Variants in FRMD6 observed in about 807,000 individuals in gnomAD.
FRMD6 encodes the protein FERM domain containing 6, also known as FERM domain-containing protein 6.
Under a neutral mutation model 73.2 loss-of-function variants are expected in FRMD6, and 37 were observed. That is an observed-to-expected ratio of 0.51 (90% CI 0.39 to 0.66). FRMD6 has a LOEUF of 0.66. Ranked by LOEUF, FRMD6 falls within the 30% of genes least tolerant of loss-of-function variation. The pLI is 0.00. For synonymous variants in FRMD6, 273 were observed against 282.2 expected (o/e 0.97, Z 0.33); for missense variants, 714 against 780.5 (o/e 0.91, Z 1.02).
At chr14:51,719,811 C>T (rs1897432584) in intron 10 of FRMD6, among the ~76,000 whole-genome samples, 1 of 152,222 alleles carries the variant, frequency 6.6e-6, no homozygotes, top group African/African-American at 2.4e-5. Flanking sequence ...TTAAATACCA[C>T]TCTTCTTATA....
At chr14:51,541,078 C>A (rs1158426054) in intron 1 of FRMD6, among the ~76,000 whole-genome samples, 3 of 152,052 alleles carry the variant, frequency 2.0e-5, no homozygotes, top group Admixed American at 6.6e-5. Flanking sequence ...CTGCAATTTC[C>A]CTATCAGTTA....
intron 2 of FRMD6, among the ~76,000 whole-genome samples, chr14:51,617,069 G>A (rs577615616): frequency 4.7e-4 from 72 of 152,320 alleles, no homozygotes; most frequent in Non-Finnish European, 6.5e-4. Context: ...AGCATCAGGA[G>A]TGCCATGTGG....
chr14:51,486,169 G>C (rs1882757275), upstream of FRMD6, among the ~76,000 whole-genome samples: 1 of 151,994 alleles, frequency 6.6e-6, no homozygotes, highest in South Asian at 2.1e-4. Flanking sequence ...CGAGTAGCTG[G>C]GACTACAGGC....
intron 1 of FRMD6, among the ~76,000 whole-genome samples, chr14:51,531,111 C>A (rs74052351): frequency 0.027 from 4,170 of 152,192 alleles, 84 homozygotes; most frequent in African/African-American, 0.048. Flanking sequence ...AATGGTAGAG[C>A]CTTCATGACC....
At chr14:51,576,974 A>G (rs1888440486) in intron 2 of FRMD6, among the ~76,000 whole-genome samples, 1 of 152,352 alleles carries the variant, frequency 6.6e-6, no homozygotes, top group South Asian at 2.1e-4. Flanking sequence ...TTAAAGCACT[A>G]TGCAAATGTA....
the FRMD6 span, chr14:51,436,084 C>G: frequency 2.5e-4 from 52 of 205,454 alleles, no homozygotes; most frequent in Non-Finnish European, 3.9e-4. Context: ...GTGAAGAAAC[C>G]AAGACCACCT....
At chr14:51,401,660 G>A in the FRMD6 span, among the ~76,000 whole-genome samples, 1 of 152,178 alleles carries the variant, frequency 6.6e-6, no homozygotes, top group Non-Finnish European at 1.5e-5. Flanking sequence ...TTCCCCGTAG[G>A]AGTATTCAAC....
At chr14:51,700,176 T>C (rs1372513841) in intron 3 of FRMD6, among the ~76,000 whole-genome samples, 2 of 152,070 alleles carry the variant, frequency 1.3e-5, no homozygotes, top group South Asian at 4.2e-4. Flanking sequence ...TGAAGATGTC[T>C]CCTTAGTGAT....
chr14:51,671,690 A>G (rs926533930), intron 1 of FRMD6, among the ~76,000 whole-genome samples: 10 of 152,196 alleles, frequency 6.6e-5, no homozygotes, highest in African/African-American at 2.2e-4. Context: ...TGCTTTAGAA[A>G]AAGTTTATGG....
At chr14:51,470,275 T>C in the FRMD6 span, among the ~76,000 whole-genome samples, 1 of 152,204 alleles carries the variant, frequency 6.6e-6, no homozygotes, top group African/African-American at 2.4e-5. Context: ...TCCCAGCACT[T>C]CGGGAGGCCA....
At chr14:51,497,234 CTTT>C (rs540369904) in intron 1 of FRMD6, among the ~76,000 whole-genome samples, 1 of 137,872 alleles carries the variant, frequency 7.3e-6, no homozygotes. Flanking sequence ...TCTGAAATAA[CTTT>C]TTTTTTTTTT....
intron 2 of FRMD6, among the ~76,000 whole-genome samples, chr14:51,599,058 C>CTTTTCTTTTTTT (rs1158794443): frequency 8.4e-4 from 61 of 72,818 alleles, no homozygotes; most frequent in East Asian, 2.9e-3. Context: ...CAGTATCTGT[C>CTTTTCTTTTTTT]TTTTTTTTTT....
At chr14:51,636,596 T>C (rs1323912053) in intron 2 of FRMD6, among the ~76,000 whole-genome samples, 1 of 152,146 alleles carries the variant, frequency 6.6e-6, no homozygotes, top group East Asian at 1.9e-4. Flanking sequence ...ATAATGCTGG[T>C]GGATTAAAAA....
chr14:51,552,048 G>A (rs1216932713), intron 1 of FRMD6, among the ~76,000 whole-genome samples: 1 of 152,106 alleles, frequency 6.6e-6, no homozygotes, highest in Non-Finnish European at 1.5e-5. Context: ...GCCTATAGTA[G>A]TGTACAATGA....
chr14:51,437,593 C>T, the FRMD6 span, among the ~76,000 whole-genome samples: 1 of 152,218 alleles, frequency 6.6e-6, no homozygotes, highest in East Asian at 1.9e-4. Flanking sequence ...TGAGCCACCG[C>T]TCCCGGCCCC....
At chr14:51,470,952 A>G in the FRMD6 span, among the ~76,000 whole-genome samples, 13 of 152,346 alleles carry the variant, frequency 8.5e-5, no homozygotes, top group East Asian at 2.5e-3. Flanking sequence ...ACTTGAATAG[A>G]ATACATATTC....
intron 6 of FRMD6, among the ~76,000 whole-genome samples, chr14:51,705,930 C>G (rs1896599876): frequency 6.6e-6 from 1 of 152,128 alleles, no homozygotes; most frequent in Admixed American, 6.6e-5. Context: ...GAGATCTCAT[C>G]CAAATTAATG....
the FRMD6 span, among the ~76,000 whole-genome samples, chr14:51,457,352 G>GA: frequency 5.3e-5 from 8 of 150,174 alleles, no homozygotes; most frequent in East Asian, 2.0e-4. Flanking sequence ...ATGATGACTA[G>GA]AAAAAAAAAC....
rs114745814 is a variant in FRMD6 at position 51,570,107 on chromosome 14, G to A, written c.-209-241G>A. ...TGGGATTACAGACGTGAGCCACTGC[G>A]CCCGGCCCATGAGCCACCGTGCCCG... On this transcript the variant is annotated intron_variant, in intron 1 of 14. Transcript: ENST00000356218. Among the ~76,000 whole-genome samples the A allele has an allele frequency of 5.8e-3, 875 of 152,152 alleles. 4 individuals carry two copies. The highest frequency in any genetic ancestry group is 0.019 in the African/African-American group (790 of 41,534).
Sources: allele counts gnomAD v4.1 joint callset (sites outside exome capture counted in the v4.1 genomes callset), GRCh38; gene constraint gnomAD v4.1.1; transcripts MANE v1.5; gene names NCBI Gene and HGNC (gene_info 2026-07-23, HGNC 2026-07-21).